Variants in AP1G1 observed in about 807,000 individuals in gnomAD.
The protein encoded by AP1G1 is AP-1 complex subunit gamma-1.
A neutral mutation model predicts 108.3 loss-of-function variants in AP1G1; 7 were observed. The observed-to-expected ratio is 0.06, with a 90% CI of 0.04 to 0.12. AP1G1 has a LOEUF of 0.12. AP1G1 is among the 10% of genes least tolerant of loss of function. The pLI is 1.00. For synonymous variants in AP1G1, 379 were observed against 353.5 expected (o/e 1.07, Z -0.81); for missense variants, 756 against 1,010.7 (o/e 0.75, Z 3.42).
intron 6 of AP1G1, among the ~76,000 whole-genome samples, chr16:71,767,590 A>T (rs1205979179): frequency 6.6e-6 from 1 of 152,198 alleles, no homozygotes; most frequent in Admixed American, 6.5e-5. Flanking sequence ...CCACTGGGAA[A>T]CTGCTCAAAG....
intron 1 of AP1G1, among the ~76,000 whole-genome samples, chr16:71,798,820 A>C (rs2032679805): frequency 6.6e-6 from 1 of 151,486 alleles, no homozygotes; most frequent in South Asian, 2.1e-4. Context: ...CCCAGGAGGC[A>C]GAGGCTGCAG....
chr16:71,766,312 G>T (rs554133899), intron 6 of AP1G1: 3 of 325,386 alleles, frequency 9.2e-6, no homozygotes, highest in South Asian at 5.2e-5. Context: ...TTTTCAATGA[G>T]ACTATACATT....
intron 4 of AP1G1, 76 bp downstream of exon 4, chr16:71,773,145 C>CA: frequency 6.5e-7 from 1 of 1,527,954 alleles, no homozygotes; most frequent in Non-Finnish European, 9.0e-7. Flanking sequence ...TCAGATCTTT[C>CA]AAAAATGAGT....
intron 19 of AP1G1, among the ~76,000 whole-genome samples, 192 bp downstream of exon 19, chr16:71,744,952 C>A (rs887338598): frequency 6.6e-6 from 1 of 152,084 alleles, no homozygotes; most frequent in Non-Finnish European, 1.5e-5. Context: ...TTAAGAAATC[C>A]GTATAAATTA....
At chr16:71,769,325 G>C (rs1471582041) in intron 6 of AP1G1, among the ~76,000 whole-genome samples, 1 of 151,652 alleles carries the variant, frequency 6.6e-6, no homozygotes, top group African/African-American at 2.4e-5. Context: ...TTTCTAATTT[G>C]ACCTCAGATC....
intron 6 of AP1G1, among the ~76,000 whole-genome samples, chr16:71,768,779 G>A (rs1277619761): frequency 1.3e-5 from 2 of 150,752 alleles, no homozygotes; most frequent in African/African-American, 2.4e-5. Context: ...GCCAGGCGTG[G>A]TGCCAGGCAC....
intron 1 of AP1G1, among the ~76,000 whole-genome samples, chr16:71,793,890 G>C (rs1203941139): frequency 2.0e-5 from 3 of 152,016 alleles, no homozygotes; most frequent in Non-Finnish European, 2.9e-5. Flanking sequence ...GCTGATTTTT[G>C]TATTTTTTTT....
intron 2 of AP1G1, 152 bp downstream of exon 2, chr16:71,789,127 T>A (rs2032310401): frequency 1.5e-6 from 1 of 689,028 alleles, no homozygotes; most frequent in Non-Finnish European, 2.5e-6. Context: ...CCTTTCCAGG[T>A]CTGTGGCTTG....
In AP1G1 at chr16:71,758,938, C is replaced by T; in HGVS notation, c.975-17G>A. 1 of 1,423,222 alleles carries T rather than the reference C, an allele frequency of 7.0e-7. No individual in the cohort carries two copies. Among genetic ancestry groups the T allele is most frequent in the Non-Finnish European group, 9.7e-7 (1 of 1,026,040 alleles). The allele number at this position is 1,423,222 out of a possible 1,614,324, so 88.2% of individuals were successfully genotyped here. ...GCCACATATCTGGATGAAACAGTTG[C>T]AAAATAACAGAGTTAAAATGTAAAA... On this transcript the variant is annotated splice_polypyrimidine_tract_variant and intron_variant, in intron 10 of 22. Coordinates refer to ENST00000299980, the MANE Select transcript of AP1G1 (RefSeq NM_001128.6).
At chr16:71,736,580 T>G (rs1321327738) in intron 21 of AP1G1, among the ~76,000 whole-genome samples, 1 of 137,908 alleles carries the variant, frequency 7.3e-6, no homozygotes, top group East Asian at 2.1e-4. Context: ...ATTTATTTAT[T>G]TATTTATTTA....
intron 9 of AP1G1, 55 bp downstream of exon 9, chr16:71,764,295 C>A: frequency 2.8e-6 from 3 of 1,077,714 alleles, no homozygotes; most frequent in South Asian, 3.2e-5. Context: ...AAGTCCAAGT[C>A]AACCATTCTA....
At chr16:71,794,848 T>C (rs1488030797) in intron 1 of AP1G1, among the ~76,000 whole-genome samples, 2 of 142,352 alleles carry the variant, frequency 1.4e-5, no homozygotes, top group African/African-American at 5.2e-5. Flanking sequence ...TTTTTTTTTT[T>C]TTTTTTTTTT....
At chr16:71,777,171 G>C (rs951913998) in intron 2 of AP1G1, among the ~76,000 whole-genome samples, 2 of 150,032 alleles carry the variant, frequency 1.3e-5, no homozygotes, top group African/African-American at 2.5e-5. Flanking sequence ...GCAGCTGTGG[G>C]GTTTGGCCCC....
chr16:71,768,240 G>A (rs1464807441), intron 6 of AP1G1, among the ~76,000 whole-genome samples: 2 of 147,644 alleles, frequency 1.4e-5, no homozygotes, highest in African/African-American at 5.0e-5. Flanking sequence ...GCTCACGCCT[G>A]TAATCCCAGC....
Position 71,769,683 on chromosome 16 carries a change from A to G in AP1G1, c.582T>C (p.Ser194=), listed in dbSNP as rs2031495538. ...CACACATTTCTGTGAGGAGGACTACAGATGTGTGGAGGACACCTGAAAGAA... is the reference window on the plus strand; with the variant it reads ...CACACATTTCTGTGAGGAGGACTACGGATGTGTGGAGGACACCTGAAAGAA... ...NEKNHGVLHT[S]VVLLTEMCER... The change falls in exon 6 of 23, where the codon TCT becomes TCC. Residue 194 remains serine, a synonymous_variant. Coordinates refer to ENST00000299980, the MANE Select transcript of AP1G1 (RefSeq NM_001128.6). 1.2e-6 allele frequency: 2 copies of G among 1,613,396 alleles called. No homozygotes were observed. The highest frequency in any genetic ancestry group is 1.7e-6 in the Non-Finnish European group (2 of 1,179,494).
intron 13 of AP1G1, among the ~76,000 whole-genome samples, chr16:71,750,989 T>C (rs977414993): frequency 1.3e-5 from 2 of 151,246 alleles, no homozygotes; most frequent in African/African-American, 4.9e-5. Context: ...ACCCCGTCTC[T>C]ACTAAAAATA....
intron 1 of AP1G1, among the ~76,000 whole-genome samples, chr16:71,805,789 C>T (rs930441064): frequency 6.6e-6 from 1 of 152,098 alleles, no homozygotes; most frequent in Non-Finnish European, 1.5e-5. Context: ...AATCTCAGCA[C>T]TTTGCGAGGC....
rs867703589 is a variant in AP1G1 at position 71,780,497 on chromosome 16, T to A, written c.202-5905A>T. Reference sequence around the variant, plus strand: ...CAGAGTAAGATCCTGTCTCTTAATTTAAAAAAAAAAAAAAAAAAAATTGCA... The same window carrying A: ...CAGAGTAAGATCCTGTCTCTTAATTAAAAAAAAAAAAAAAAAAAAATTGCA... On this transcript the variant is annotated intron_variant, in intron 2 of 22. Transcript: ENST00000299980. 3.5e-3 allele frequency among the ~76,000 whole-genome samples: 448 copies of A among 129,748 alleles called. 3 individuals carry two copies. The highest frequency in any genetic ancestry group is 0.011 in the African/African-American group (371 of 34,794). The allele number at this position is 129,748 out of a possible 152,430, so 85.1% of individuals were successfully genotyped here. A position where few individuals can be genotyped will look rare whatever the true frequency, so the allele number is the denominator to read the frequency against.
intron 1 of AP1G1, among the ~76,000 whole-genome samples, chr16:71,805,478 C>G (rs1384115813): frequency 2.0e-5 from 3 of 151,784 alleles, no homozygotes; most frequent in Non-Finnish European, 4.4e-5. Flanking sequence ...GAACTGAAAA[C>G]AATTCATAAA....
Sources: allele counts gnomAD v4.1 joint callset (sites outside exome capture counted in the v4.1 genomes callset), GRCh38; gene constraint gnomAD v4.1.1; transcripts MANE v1.5; gene names NCBI Gene and HGNC (gene_info 2026-07-23, HGNC 2026-07-21).